Variants in S100Z observed in about 807,000 individuals in gnomAD.
S100Z encodes the protein protein S100-Z.
Under a neutral mutation model 8.5 loss-of-function variants are expected in S100Z, and 11 were observed. That is an observed-to-expected ratio of 1.30 (90% CI 0.82 to 2.15). S100Z has a LOEUF of 2.15. Ranked by LOEUF, S100Z falls within the 30% of genes most tolerant of loss-of-function variation. The pLI is 0.00. For synonymous variants in S100Z, 34 were observed against 43.8 expected (o/e 0.78, Z 0.89); for missense variants, 126 against 117.9 (o/e 1.07, Z -0.32).
the S100Z span, among the ~76,000 whole-genome samples, chr5:76,942,225 C>T: frequency 1.3e-5 from 2 of 152,104 alleles, no homozygotes; most frequent in Admixed American, 1.3e-4. Context: ...AATTCTTCTG[C>T]CTCAGCCTCC....
chr5:76,887,808 T>C (rs1036325530), intron 4 of S100Z, among the ~76,000 whole-genome samples: 112 of 152,144 alleles, frequency 7.4e-4, no homozygotes, highest in African/African-American at 2.6e-3. Flanking sequence ...ACCTGCCATT[T>C]TTTTCCCCCT....
At chr5:76,871,577 C>G (rs1743012039) in intron 2 of S100Z, among the ~76,000 whole-genome samples, 1 of 146,644 alleles carries the variant, frequency 6.8e-6, no homozygotes, top group Non-Finnish European at 1.5e-5. Context: ...CCCTGGAGGG[C>G]AGTGGCATGA....
chr5:76,859,778 A>AAAAAAAAAAAAC, intron 1 of S100Z, among the ~76,000 whole-genome samples: 1 of 151,082 alleles, frequency 6.6e-6, no homozygotes, highest in Non-Finnish European at 1.5e-5. Context: ...CAAAAAAAAA[A>AAAAAAAAAAAAC]AAAAAAAGAA....
At chr5:76,880,918 G>A (rs955904235) in intron 4 of S100Z, among the ~76,000 whole-genome samples, 2 of 152,192 alleles carry the variant, frequency 1.3e-5, no homozygotes, top group Non-Finnish European at 2.9e-5. Context: ...TTGGAGGAAA[G>A]AGAAAAGCAA....
chr5:76,905,779 C>T (rs144291270), intron 4 of S100Z, among the ~76,000 whole-genome samples: 268 of 152,194 alleles, frequency 1.8e-3, no homozygotes, highest in African/African-American at 6.1e-3. Flanking sequence ...AACTTTAAAT[C>T]GAGGTTTTAT....
the S100Z span, chr5:76,948,864 C>T: frequency 6.6e-6 from 1 of 152,102 alleles, no homozygotes; most frequent in East Asian, 1.9e-4. Context: ...CGTGTGTCCT[C>T]AGTTATAAGT....
intron 1 of S100Z, among the ~76,000 whole-genome samples, chr5:76,866,868 G>T (rs1007477964): frequency 6.6e-6 from 1 of 151,770 alleles, no homozygotes; most frequent in African/African-American, 2.4e-5. Context: ...CCCTCTTTAG[G>T]TACACAACAT....
downstream of S100Z, among the ~76,000 whole-genome samples, chr5:76,926,558 G>C (rs1655277835): frequency 1.3e-5 from 2 of 152,144 alleles, no homozygotes; most frequent in Non-Finnish European, 2.9e-5. Flanking sequence ...TATAGAGCCT[G>C]GTTAGGAGCT....
intron 4 of S100Z, among the ~76,000 whole-genome samples, chr5:76,904,848 C>T (rs1228052851): frequency 6.6e-6 from 1 of 152,116 alleles, no homozygotes; most frequent in African/African-American, 2.4e-5. Flanking sequence ...CCCAGCCTCA[C>T]TTTTCATTCT....
intron 4 of S100Z, among the ~76,000 whole-genome samples, chr5:76,906,129 C>A (rs1240887234): frequency 6.6e-6 from 1 of 152,172 alleles, no homozygotes; most frequent in Non-Finnish European, 1.5e-5. Flanking sequence ...CACACCCAGC[C>A]AAAAACATCT....
At chr5:76,924,382 TATTC>T (rs1367257205), downstream of S100Z, among the ~76,000 whole-genome samples, 1 of 152,182 alleles carries the variant, frequency 6.6e-6, no homozygotes, top group Non-Finnish European at 1.5e-5. Flanking sequence ...TTAATCTTCC[TATTC>T]ATTCTCTGTT....
chr5:76,884,681 TG>T (rs1743534487), intron 4 of S100Z, among the ~76,000 whole-genome samples: 1 of 151,958 alleles, frequency 6.6e-6, no homozygotes, highest in Non-Finnish European at 1.5e-5. Flanking sequence ...GTTGGGCAAG[TG>T]GGGGAGGACT....
At chr5:76,895,847 C>T (rs1744019310) in intron 4 of S100Z, among the ~76,000 whole-genome samples, 1 of 146,628 alleles carries the variant, frequency 6.8e-6, no homozygotes, top group African/African-American at 2.5e-5. Flanking sequence ...ACTGCAATCT[C>T]CGCCTCCCAG....
chr5:76,860,455 C>T (rs529479708), intron 1 of S100Z, among the ~76,000 whole-genome samples: 226 of 152,176 alleles, frequency 1.5e-3, no homozygotes, highest in African/African-American at 5.1e-3. Context: ...TGAGATGGCC[C>T]GACCCTCTCA....
intron 4 of S100Z, among the ~76,000 whole-genome samples, chr5:76,885,923 C>T (rs1743611062): frequency 6.9e-6 from 1 of 144,412 alleles, no homozygotes; most frequent in African/African-American, 2.6e-5. Flanking sequence ...GTGGGGGGTG[C>T]TTGCCTCCCA....
At chr5:76,931,931 G>A in the S100Z span, among the ~76,000 whole-genome samples, 1 of 152,092 alleles carries the variant, frequency 6.6e-6, no homozygotes, top group Non-Finnish European at 1.5e-5. Flanking sequence ...CATAATGGTA[G>A]TTATCTCTGG....
intron 4 of S100Z, among the ~76,000 whole-genome samples, chr5:76,884,477 G>A (rs1381674776): frequency 6.6e-6 from 1 of 152,190 alleles, no homozygotes; most frequent in South Asian, 2.1e-4. Context: ...GAGGGTAGAA[G>A]TCAGGATGAC....
At chr5:76,926,372 C>T (rs1021018340), downstream of S100Z, among the ~76,000 whole-genome samples, 1 of 151,870 alleles carries the variant, frequency 6.6e-6, no homozygotes, top group African/African-American at 2.4e-5. Flanking sequence ...TAAGGAAATA[C>T]AAAAACAAGT....
chr5:76,917,614 G>C (rs2150686841), intron 4 of S100Z, among the ~76,000 whole-genome samples: 1 of 152,290 alleles, frequency 6.6e-6, no homozygotes, highest in East Asian at 1.9e-4. Context: ...CTTGAGGCCA[G>C]GGGTTCGAGA....
Sources: allele counts gnomAD v4.1 joint callset (sites outside exome capture counted in the v4.1 genomes callset), GRCh38; gene constraint gnomAD v4.1.1; transcripts MANE v1.5; gene names NCBI Gene and HGNC (gene_info 2026-07-23, HGNC 2026-07-21).